Variants in KCNMA1 observed in about 807,000 individuals in gnomAD.
KCNMA1 encodes Calcium-activated potassium channel subunit alpha-1.
KCNMA1 carries 29 observed loss-of-function variants against 140.0 expected under a neutral mutation model. The ratio of observed to expected loss-of-function variants is 0.21; its 90% CI spans 0.15 to 0.28. The LOEUF is 0.28. KCNMA1 is among the 10% of genes least tolerant of loss of function. The pLI is 1.00. For synonymous variants in KCNMA1, 612 were observed against 611.9 expected (o/e 1.00, Z 0.00); for missense variants, 880 against 1,602.2 (o/e 0.55, Z 7.70).
intron 1 of KCNMA1, among the ~76,000 whole-genome samples, chr10:77,514,681 G>A (rs1025702807): frequency 9.2e-5 from 14 of 152,100 alleles, no homozygotes; most frequent in African/African-American, 2.4e-4. Context: ...ATAAAGACTC[G>A]CTGAGCACCT....
At chr10:77,483,925 G>A (rs2098432639) in intron 1 of KCNMA1, among the ~76,000 whole-genome samples, 1 of 152,152 alleles carries the variant, frequency 6.6e-6, no homozygotes, top group African/African-American at 2.4e-5. Context: ...GAGTTTTCAT[G>A]ACTTGCAGGT....
chr10:77,041,553 G>C (rs1043712690), intron 14 of KCNMA1, among the ~76,000 whole-genome samples: 2 of 152,082 alleles, frequency 1.3e-5, no homozygotes, highest in African/African-American at 4.8e-5. Context: ...TGCCTGCCTC[G>C]GCCTCCCAAA....
chr10:77,581,438 T>C (rs1408666829), intron 1 of KCNMA1, among the ~76,000 whole-genome samples: 1 of 152,102 alleles, frequency 6.6e-6, no homozygotes, highest in Non-Finnish European at 1.5e-5. Flanking sequence ...CCTCAGTAGC[T>C]GGGACTACAG....
chr10:77,277,949 C>T (rs1258630781), intron 2 of KCNMA1, among the ~76,000 whole-genome samples: 1 of 152,194 alleles, frequency 6.6e-6, no homozygotes, highest in Non-Finnish European at 1.5e-5. Flanking sequence ...ATCCAAACAA[C>T]TAAAGGCTTG....
chr10:77,122,945 G>A (rs1285984506), intron 5 of KCNMA1, among the ~76,000 whole-genome samples: 5 of 151,908 alleles, frequency 3.3e-5, no homozygotes, highest in African/African-American at 4.8e-5. Context: ...TTGGGAGGCC[G>A]AGGCGGGAGG....
chr10:76,894,246 CA>C (rs2041535587), intron 25 of KCNMA1, among the ~76,000 whole-genome samples: 1 of 152,078 alleles, frequency 6.6e-6, no homozygotes, highest in Admixed American at 6.5e-5. Flanking sequence ...GTCTTTTAAA[CA>C]AATGGCATAG....
intron 2 of KCNMA1, among the ~76,000 whole-genome samples, chr10:77,297,639 AT>A (rs1361404456): frequency 6.6e-6 from 1 of 152,170 alleles, no homozygotes; most frequent in African/African-American, 2.4e-5. Context: ...AAAGCTCTAA[AT>A]ACACGCATAA....
chr10:77,431,910 T>C (rs753502366), intron 1 of KCNMA1, among the ~76,000 whole-genome samples: 2 of 151,878 alleles, frequency 1.3e-5, no homozygotes, highest in Non-Finnish European at 2.9e-5. Context: ...CGGGAATCAC[T>C]TGGACCCGGG....
At chr10:76,912,131 C>T (rs2050581733) in intron 24 of KCNMA1, 1 of 152,206 alleles carries the variant, frequency 6.6e-6, no homozygotes, top group African/African-American at 2.4e-5. Context: ...AGAAGGAGAG[C>T]AAGCAATGCT....
chr10:77,637,192 G>A (rs2093845775), intron 1 of KCNMA1, 73 bp downstream of exon 1: 2 of 1,392,918 alleles, frequency 1.4e-6, no homozygotes, highest in Non-Finnish European at 2.0e-6. Context: ...CGCGGAGCGA[G>A]GAGGTGGGCT....
chr10:76,879,573 A>G (rs1589377312), intron 29 of KCNMA1, among the ~76,000 whole-genome samples: 1 of 151,832 alleles, frequency 6.6e-6, no homozygotes, highest in East Asian at 1.9e-4. Flanking sequence ...TTTGTCAAGC[A>G]GAGTTTTTTT....
At chr10:77,222,844 C>A (rs2050127177) in intron 3 of KCNMA1, among the ~76,000 whole-genome samples, 1 of 152,200 alleles carries the variant, frequency 6.6e-6, no homozygotes, top group Non-Finnish European at 1.5e-5. Flanking sequence ...CTCTACATAT[C>A]TGATTTTATA....
At chr10:76,987,908 A>G (rs1205794528) in intron 19 of KCNMA1, among the ~76,000 whole-genome samples, 2 of 152,330 alleles carry the variant, frequency 1.3e-5, no homozygotes, top group South Asian at 2.1e-4. Context: ...ATAACATGAC[A>G]AAGTCTGTGC....
intron 2 of KCNMA1, among the ~76,000 whole-genome samples, chr10:77,273,860 C>A (rs974823588): frequency 1.3e-5 from 2 of 152,254 alleles, no homozygotes; most frequent in Middle Eastern, 6.8e-3. Flanking sequence ...GAACACATGA[C>A]AAAGACCCCT....
At chr10:77,513,106 C>T (rs185737478) in intron 1 of KCNMA1, among the ~76,000 whole-genome samples, 1 of 152,024 alleles carries the variant, frequency 6.6e-6, no homozygotes, top group Non-Finnish European at 1.5e-5. Flanking sequence ...CCCCTGCCAG[C>T]CTCCCCCTAC....
Position 76,901,667 on chromosome 10 carries a change from A to T in KCNMA1, c.3147+8299T>A, listed in dbSNP as rs565116128. On this transcript the variant is annotated intron_variant, in intron 25 of 27. Coordinates refer to ENST00000286628, the MANE Select transcript of KCNMA1 (RefSeq NM_001161352.2). Reference sequence around the variant, plus strand: ...CTTTTAGAATTGCTCATCAACAGGTACAATTTCATAGTCAGTCCCAGGGTT... The same window carrying T: ...CTTTTAGAATTGCTCATCAACAGGTTCAATTTCATAGTCAGTCCCAGGGTT... The T allele has an allele frequency of 5.3e-5, 8 of 152,350 alleles. No homozygotes were observed. The East Asian group carries it at 1.5e-3, about 29-fold the overall frequency. The allele number at this position is 152,350 out of a possible 1,614,324, so 9.4% of individuals were successfully genotyped here.
At chr10:77,070,541 C>T (rs1352215280) in intron 14 of KCNMA1, among the ~76,000 whole-genome samples, 2 of 152,266 alleles carry the variant, frequency 1.3e-5, no homozygotes, top group East Asian at 3.9e-4. Context: ...AGCCTCACCC[C>T]TTCTTTGTCC....
chr10:77,390,743 G>A (rs1162025136), intron 2 of KCNMA1, among the ~76,000 whole-genome samples: 1 of 152,094 alleles, frequency 6.6e-6, no homozygotes, highest in Non-Finnish European at 1.5e-5. Context: ...CAAACCCCAC[G>A]CCTTCCTGGG....
At chr10:77,365,558 G>C (rs1378268015) in intron 2 of KCNMA1, among the ~76,000 whole-genome samples, 1 of 152,174 alleles carries the variant, frequency 6.6e-6, no homozygotes, top group Non-Finnish European at 1.5e-5. Context: ...GCTCCCGACA[G>C]GCTAGCCACT....
Sources: allele counts gnomAD v4.1 joint callset (sites outside exome capture counted in the v4.1 genomes callset), GRCh38; gene constraint gnomAD v4.1.1; transcripts MANE v1.5; gene names NCBI Gene and HGNC (gene_info 2026-07-23, HGNC 2026-07-21).